Variants in MUC22 observed in about 807,000 individuals in gnomAD.
MUC22 encodes the protein mucin-22.
MUC22 carries 24 observed loss-of-function variants against 40.3 expected under a neutral mutation model. The observed-to-expected ratio is 0.60, with a 90% confidence interval of 0.43 to 0.84. The LOEUF (loss-of-function observed/expected upper bound fraction) is 0.84, where lower values mean the gene tolerates loss of function less well. Among genes scored for constraint, MUC22 ranks in the 40% least tolerant of loss-of-function variants. The pLI is 0.00. For missense variants in MUC22, 1,926 were observed against 2,130.7 expected (o/e 0.90, Z 1.89); for synonymous variants, 765 against 844.5 (o/e 0.91, Z 1.63).
intron 2 of MUC22, among the ~76,000 whole-genome samples, chr6:31,031,830 CA>C (rs11330895): frequency 0.25 from 38,320 of 151,920 alleles, 5,105 homozygotes; most frequent in African/African-American, 0.33. Flanking sequence ...CAGGTCACTG[CA>C]AATGCTGTTA....
At chr6:31,021,229 A>G (rs983239578) in intron 1 of MUC22, among the ~76,000 whole-genome samples, 1 of 152,226 alleles carries the variant, frequency 6.6e-6, no homozygotes, top group Non-Finnish European at 1.5e-5. Flanking sequence ...TAGCTTAGGG[A>G]TTGTAAATAC....
upstream of MUC22, among the ~76,000 whole-genome samples, chr6:31,008,468 A>C (rs1418637873): frequency 6.6e-6 from 1 of 152,098 alleles, no homozygotes; most frequent in African/African-American, 2.4e-5. Flanking sequence ...AAATGGGGGG[A>C]AAACAGTCCT....
intron 2 of MUC22, among the ~76,000 whole-genome samples, chr6:31,031,289 A>G (rs1008335344): frequency 6.6e-6 from 1 of 151,992 alleles, no homozygotes; most frequent in African/African-American, 2.4e-5. Context: ...AGGTCCTCCT[A>G]CATCTGCCCA....
In MUC22 at chr6:31,032,428, G is replaced by C. The variant is rs1306913316; in HGVS notation, c.4902G>C (p.Pro1634=). The C allele has an allele frequency of 6.5e-7, 1 of 1,535,542 alleles. No individual in the cohort carries two copies. The highest frequency in any genetic ancestry group is 8.7e-7 in the Non-Finnish European group (1 of 1,146,896). The change falls in exon 3 of 4, where the codon CCG becomes CCC. Residue 1634 remains proline, a synonymous_variant. Transcript: ENST00000561890. The surrounding 1 kb of genome is among the most constrained non-coding windows in gnomAD (Gnocchi z 4.1). ...GCAGCACCTTCCAGGAAACAGGCCC[G>C]GTGTCCATGGGCACAAACACAGTTA...
intron 1 of MUC22, among the ~76,000 whole-genome samples, chr6:31,024,069 A>G (rs1312083123): frequency 1.3e-5 from 2 of 152,252 alleles, no homozygotes; most frequent in Non-Finnish European, 2.9e-5. Flanking sequence ...GAGCCTAATC[A>G]TGATGAAACA....
chr6:31,020,730 G>A (rs1346045802), intron 1 of MUC22, among the ~76,000 whole-genome samples: 2 of 152,172 alleles, frequency 1.3e-5, no homozygotes, highest in Non-Finnish European at 2.9e-5. Context: ...AGGGAGAGGT[G>A]CGAGCGGGAA....
rs373067462 is a variant in MUC22, at chr6:31,020,421, C to T, written c.71-5081C>T. On this transcript the variant is annotated intron_variant, in intron 1 of 3. Coordinates refer to ENST00000561890, the Ensembl canonical transcript of MUC22. The stretch of plus-strand genomic sequence containing the variant: ...TTCTAGACAAGCAAAAACTGGAAGA[C>T]CTTGCCTCCTGGAAATTGACTTTTT... 5.3e-5 allele frequency among the ~76,000 whole-genome samples: 8 copies of T among 150,122 alleles called. No individual in the cohort carries two copies. The East Asian group carries it at 9.8e-4, about 18-fold the overall frequency.
rs9262538 is a variant in MUC22 at position 31,022,622 on chromosome 6, A to G, written c.71-2880A>G. 9.9e-3 allele frequency among the ~76,000 whole-genome samples: 1,515 copies of G among 152,308 alleles called. 12 individuals are homozygous for G. Among genetic ancestry groups the G allele is most frequent in the Middle Eastern group, 0.027 (8 of 294 alleles). ...TGAGTAATAATGAATTATGAGGCTT[A>G]TATGTAGACATAAAATGTATGACAA... On this transcript the variant is annotated intron_variant, in intron 1 of 3. Transcript: ENST00000561890.
chr6:31,034,525 A>C (rs1766301618), intron 3 of MUC22, 147 bp from the exon 4 acceptor site: 1 of 657,204 alleles, frequency 1.5e-6, no homozygotes, highest in Admixed American at 2.9e-5. Flanking sequence ...ACAGAGACAG[A>C]GATCATAGTA....
At chr6:31,027,396 C>A (rs1236098330) in exon 2 of MUC22, 2 of 1,533,320 alleles carry the variant, frequency 1.3e-6, no homozygotes, top group Non-Finnish European at 1.7e-6. Context: ...GCTCTGAGAC[C>A]ACTACAGTTT....
chr6:31,022,379 G>C (rs946484086), intron 1 of MUC22, among the ~76,000 whole-genome samples: 2 of 152,046 alleles, frequency 1.3e-5, no homozygotes, highest in African/African-American at 4.8e-5. Flanking sequence ...GGTTAGGCTG[G>C]TATCGAACTC....
intron 1 of MUC22, 83 bp downstream of exon 1, chr6:31,010,859 C>G: frequency 1.5e-6 from 1 of 658,336 alleles, no homozygotes; most frequent in South Asian, 1.6e-5. Context: ...CCTGCCCAGG[C>G]ATGACTCTTC....
In MUC22 at chr6:31,020,441, CTTTT is replaced by C. The variant is rs3084519; in HGVS notation, c.71-5045_71-5042del. Among the ~76,000 whole-genome samples the C allele has an allele frequency of 2.9e-3, 366 of 126,688 alleles. 2 individuals carry two copies. Among genetic ancestry groups the C allele is most frequent in the African/African-American group, 9.3e-3 (315 of 34,028 alleles). The allele number at this position is 126,688 out of a possible 152,430, so 83.1% of individuals were successfully genotyped here. ...GAAGACCTTGCCTCCTGGAAATTGA[CTTTT>C]TTTTTTTTTTTTTTTGATACGGAGT... is the stretch of plus-strand genomic sequence containing the variant. On this transcript the variant is annotated intron_variant, in intron 1 of 3. Transcript: ENST00000561890.
intron 1 of MUC22, among the ~76,000 whole-genome samples, chr6:31,018,734 C>T (rs112157697): frequency 2.6e-5 from 4 of 152,402 alleles, no homozygotes; most frequent in Non-Finnish European, 4.4e-5. Flanking sequence ...ATCCAATGGA[C>T]ATGGCCCAGG....
At chr6:31,010,058 T>C (rs117777022), upstream of MUC22, among the ~76,000 whole-genome samples, 1 of 152,320 alleles carries the variant, frequency 6.6e-6, no homozygotes, top group East Asian at 1.9e-4. Context: ...GATGCTCTTA[T>C]CACCCTCCAA....
rs993705309 is a variant in MUC22, at chr6:31,027,935, C to A, written c.2504C>A (p.Thr835Asn). Residue 835 changes from threonine to asparagine, a missense_variant, in exon 2 of 4, where the codon ACC (threonine) becomes AAC (asparagine). Transcript: ENST00000561890. ...ACAGACTCTACTGAAGGCTCTGGGA[C>A]CACTGCAGCCTCCACTGCAGGCTCT... 6 of 1,534,732 alleles carry A rather than the reference C, an allele frequency of 3.9e-6. No individual in the cohort carries two copies. The highest frequency in any genetic ancestry group is 2.7e-5 in the African/African-American group (2 of 72,778).
At chr6:31,025,745 T>C (rs531145105) in exon 2 of MUC22, 2 of 1,526,614 alleles carry the variant, frequency 1.3e-6, no homozygotes, top group East Asian at 2.5e-5. Flanking sequence ...GGGACTACTA[T>C]AGCCTCCACT....
Position 31,017,125 on chromosome 6 carries a change from C to T in MUC22, c.70+6349C>T, listed in dbSNP as rs563895674. On this transcript the variant is annotated intron_variant, in intron 1 of 3. Transcript: ENST00000561890. ...GTGCAGCCAGAACCTCCCAGACGAGCGCTGCCCCTTGCTTTGCGGCACCCG... is the reference window on the plus strand; with the variant it reads ...GTGCAGCCAGAACCTCCCAGACGAGTGCTGCCCCTTGCTTTGCGGCACCCG... 1.1e-4 allele frequency among the ~76,000 whole-genome samples: 16 copies of T among 152,340 alleles called. 1 individual carries two copies. In the South Asian group the frequency reaches 2.5e-3, roughly 24 times the overall value.
At chr6:31,022,568 T>C (rs1279681979) in intron 1 of MUC22, among the ~76,000 whole-genome samples, 2 of 151,074 alleles carry the variant, frequency 1.3e-5, no homozygotes, top group Non-Finnish European at 3.0e-5. Context: ...TAAAATTTTT[T>C]TCATTTAAAT....
Sources: allele counts gnomAD v4.1 joint callset (sites outside exome capture counted in the v4.1 genomes callset), GRCh38; gene constraint gnomAD v4.1.1; non-coding constraint Gnocchi (gnomAD v3.1); transcripts MANE v1.5; gene names NCBI Gene and HGNC (gene_info 2026-07-23, HGNC 2026-07-21).